The following IL6R variants were observed in gnomAD, a reference collection of about 807,000 sequenced individuals.
The protein encoded by IL6R is interleukin-6 receptor subunit alpha.
A neutral mutation model predicts 48.3 loss-of-function variants in IL6R; 38 were observed. That is an observed-to-expected ratio of 0.79 (90% CI 0.61 to 1.03). IL6R has a LOEUF of 1.03. IL6R is among the 50% of genes least tolerant of loss of function. The pLI, the probability that IL6R is intolerant of heterozygous loss-of-function variation, is 0.00. For missense variants in IL6R, 534 were observed against 618.3 expected (o/e 0.86, Z 1.45); for synonymous variants, 264 against 256.2 (o/e 1.03, Z -0.29).
At chr1:154,453,052 A>G (rs1232440776) in intron 8 of IL6R, among the ~76,000 whole-genome samples, 2 of 151,684 alleles carry the variant, frequency 1.3e-5, no homozygotes, top group Non-Finnish European at 2.9e-5. Context: ...AAAAAATACA[A>G]AAATTAGCCG....
intron 1 of IL6R, chr1:154,414,431 GT>G: frequency 7.3e-7 from 1 of 1,378,540 alleles, no homozygotes; most frequent in Non-Finnish European, 1.0e-6. Context: ...GGAGGGAATG[GT>G]AGTGTCTTCT....
intron 6 of IL6R, among the ~76,000 whole-genome samples, chr1:154,446,104 TC>T (rs2149258247): frequency 6.6e-6 from 1 of 152,200 alleles, no homozygotes; most frequent in East Asian, 1.9e-4. Context: ...TTCTAGTGCC[TC>T]CATGCCCTCA....
intron 6 of IL6R, among the ~76,000 whole-genome samples, chr1:154,438,807 T>C (rs1415399033): frequency 6.6e-6 from 1 of 152,098 alleles, no homozygotes; most frequent in Non-Finnish European, 1.5e-5. Flanking sequence ...TTGGATGCAA[T>C]AATATGAAGT....
chr1:154,455,288 C>T (rs1311466822), intron 9 of IL6R, among the ~76,000 whole-genome samples: 5 of 151,810 alleles, frequency 3.3e-5, no homozygotes, highest in East Asian at 1.9e-4. Flanking sequence ...GTGAAGGGGG[C>T]GCAGCACGGT....
rs1689220353 is a variant in IL6R, at chr1:154,430,333, CT to C, written c.335-149del. 3 of 880,006 alleles carry C rather than the reference CT, an allele frequency of 3.4e-6. No individual in the cohort carries two copies. The East Asian group carries it at 8.3e-5, about 24-fold the overall frequency. The allele number at this position is 880,006 out of a possible 1,614,324, so 54.5% of individuals were successfully genotyped here. On this transcript the variant is annotated intron_variant, in intron 2 of 9. Transcript: ENST00000368485. ...CAGCTGCGATTCCATTCATGTGTGGCTGAGTGTGGCCAGGGTCCTGACTAGC... is the reference window on the plus strand; with the variant it reads ...CAGCTGCGATTCCATTCATGTGTGGCGAGTGTGGCCAGGGTCCTGACTAGC...
At chr1:154,424,766 C>A (rs1228949487) in intron 1 of IL6R, among the ~76,000 whole-genome samples, 2 of 152,164 alleles carry the variant, frequency 1.3e-5, no homozygotes, top group Non-Finnish European at 2.9e-5. Context: ...GAGTTCAACG[C>A]ACTGGACCGT....
rs1354949457 is a variant in IL6R at position 154,430,511 on chromosome 1, C to T, written c.363C>T (p.Cys121=). The change falls in exon 3 of 10, where the codon TGC becomes TGT. Residue 121 remains cysteine, a synonymous_variant. Coordinates refer to ENST00000368485, the MANE Select transcript of IL6R (RefSeq NM_000565.4). The part of the protein sequence containing the change: ...DVPPEEPQLS[C]FRKSPLSNVV... ...CCCCCGAGGAGCCCCAGCTCTCCTGCTTCCGGAAGAGCCCCCTCAGCAATG... is the reference window on the plus strand; with the variant it reads ...CCCCCGAGGAGCCCCAGCTCTCCTGTTTCCGGAAGAGCCCCCTCAGCAATG... 1.2e-5 allele frequency: 20 copies of T among 1,613,974 alleles called. No individual in the cohort carries two copies. Among genetic ancestry groups the T allele is most frequent in the Non-Finnish European group, 1.6e-5 (19 of 1,179,930 alleles).
chr1:154,444,932 C>T (rs1690133330), intron 6 of IL6R: 1 of 396,894 alleles, frequency 2.5e-6, no homozygotes, highest in Non-Finnish European at 5.1e-6. Context: ...AACTGCCCCC[C>T]ACACCCGCCC....
At chr1:154,464,734 G>A (rs1042331081) in intron 9 of IL6R, among the ~76,000 whole-genome samples, 5 of 151,968 alleles carry the variant, frequency 3.3e-5, no homozygotes, top group East Asian at 2.0e-4. Flanking sequence ...CGAGGCGGGC[G>A]GATTGCTCGA....
In IL6R at chr1:154,429,461, A is replaced by G. The variant is rs1273960708; in HGVS notation, c.334+17A>G. On this transcript the variant is annotated intron_variant, in intron 2 of 9. Coordinates refer to ENST00000368485, the MANE Select transcript of IL6R (RefSeq NM_000565.4). The stretch of plus-strand genomic sequence containing the variant: ...TGGTGGATGGTGAGTTGTGCCTCAG[A>G]GGTCCCGGAGATAGTTCCCGTAAGA... 6.3e-7 allele frequency: 1 copy of G among 1,597,896 alleles called. No individual in the cohort carries two copies. The highest frequency in any genetic ancestry group is 1.7e-5 in the Admixed American group (1 of 59,636).
intron 3 of IL6R, among the ~76,000 whole-genome samples, chr1:154,433,865 G>A (rs953985703): frequency 4.0e-5 from 6 of 151,894 alleles, no homozygotes; most frequent in Non-Finnish European, 8.8e-5. Flanking sequence ...ACAGGCATGC[G>A]CCACCACGCC....
chr1:154,441,347 T>C (rs891171709), intron 6 of IL6R, among the ~76,000 whole-genome samples: 1 of 152,220 alleles, frequency 6.6e-6, no homozygotes, highest in African/African-American at 2.4e-5. Context: ...GTGGATGTGC[T>C]TCTTTGGCAT....
In IL6R at chr1:154,430,590, C is replaced by T. The variant is rs370473905; in HGVS notation, c.442C>T (p.Leu148Phe). The T allele has an allele frequency of 5.0e-6, 8 of 1,614,212 alleles. No homozygotes were observed. Among genetic ancestry groups the T allele is most frequent in the Admixed American group, 1.7e-5 (1 of 60,032 alleles). The change falls in exon 3 of 10, where the codon CTC becomes TTC. Residue 148 changes from leucine to phenylalanine, a missense_variant. Leu to Phe is a conservative substitution (Grantham distance 22). Coordinates refer to ENST00000368485, the MANE Select transcript of IL6R (RefSeq NM_000565.4). ...CCCATCCCTGACGACAAAGGCTGTG[C>T]TCTTGGTGAGGAAGTTGTAAGTATC... is the stretch of plus-strand genomic sequence containing the variant. The part of the protein sequence containing the change: ...STPSLTTKAV[L>F]LVRKFQNSPA...
chr1:154,413,264 T>TGCTGGGATTACAG (rs1688138037), intron 1 of IL6R, among the ~76,000 whole-genome samples: 1 of 152,352 alleles, frequency 6.6e-6, no homozygotes, highest in Admixed American at 6.5e-5. Flanking sequence ...CCTCCCAAAG[T>TGCTGGGATTACAG]GCTGGGATTA....
chr1:154,464,434 C>T (rs903146323), intron 9 of IL6R, among the ~76,000 whole-genome samples: 9 of 152,078 alleles, frequency 5.9e-5, no homozygotes, highest in East Asian at 1.9e-4. Context: ...GGATTACAGG[C>T]GTGAGCCACT....
At chr1:154,418,405 G>T (rs987501256) in intron 1 of IL6R, 3 of 984,810 alleles carry the variant, frequency 3.0e-6, no homozygotes, top group Non-Finnish European at 3.6e-6. Flanking sequence ...ACAGTCCATC[G>T]TGTGGATGGG....
At chr1:154,458,072 T>G (rs920492634) in intron 9 of IL6R, among the ~76,000 whole-genome samples, 4 of 151,102 alleles carry the variant, frequency 2.6e-5, no homozygotes, top group Non-Finnish European at 4.4e-5. Context: ...GTTCACGCCA[T>G]TCTCCCGCCT....
At chr1:154,418,547 C>A in intron 1 of IL6R, 1 of 348,512 alleles carries the variant, frequency 2.9e-6, no homozygotes, top group Non-Finnish European at 4.0e-6. Flanking sequence ...GAGGGGGTTG[C>A]GGACAGGTGG....
intron 6 of IL6R, among the ~76,000 whole-genome samples, chr1:154,444,459 G>A (rs12753254): frequency 0.33 from 49,556 of 152,012 alleles, 9,360 homozygotes; most frequent in Admixed American, 0.49. Context: ...CACCCACCTC[G>A]GCCTCCCAAA....
Sources: allele counts gnomAD v4.1 joint callset (sites outside exome capture counted in the v4.1 genomes callset), GRCh38; gene constraint gnomAD v4.1.1; transcripts MANE v1.5; gene names NCBI Gene and HGNC (gene_info 2026-07-23, HGNC 2026-07-21).